CYP4X1: variants seen among roughly 807,000 people sequenced by gnomAD.
CYP4X1 encodes the protein cytochrome P450 4X1.
In CYP4X1, 44 loss-of-function variants were observed where a neutral mutation model predicts 57.9. The ratio of observed to expected loss-of-function variants is 0.76; its 90% CI spans 0.60 to 0.98. CYP4X1 has a LOEUF of 0.98. Ranked by LOEUF, CYP4X1 falls within the 50% of genes least tolerant of loss-of-function variation. CYP4X1 has a pLI of 0.00. For missense variants in CYP4X1, 532 were observed against 623.9 expected (o/e 0.85, Z 1.57); for synonymous variants, 227 against 228.6 (o/e 0.99, Z 0.06).
chr1:47,046,635 G>T, intron 9 of CYP4X1, 35 bp downstream of exon 9: 2 of 1,613,810 alleles, frequency 1.2e-6, no homozygotes, highest in Non-Finnish European at 8.5e-7. Flanking sequence ...GTTCTTAGAG[G>T]CTATGGGATC....
chr1:47,053,644 T>C (rs1450168702), downstream of CYP4X1, among the ~76,000 whole-genome samples: 1 of 152,230 alleles, frequency 6.6e-6, no homozygotes, highest in East Asian at 1.9e-4. Flanking sequence ...ATTGTGGTTT[T>C]GATTTGCATT....
chr1:46,974,649 T>A, the CYP4X1 span, among the ~76,000 whole-genome samples: 2 of 152,218 alleles, frequency 1.3e-5, no homozygotes, highest in East Asian at 3.8e-4. Flanking sequence ...GATAGTTAAA[T>A]CTTCTTGTTG....
chr1:47,052,483 A>G, downstream of CYP4X1, among the ~76,000 whole-genome samples: 1 of 152,158 alleles, frequency 6.6e-6, no homozygotes, highest in African/African-American at 2.4e-5. Context: ...AGAAACTTTC[A>G]TAGGTAGGAA....
chr1:47,023,516 C>A (rs781234663), upstream of CYP4X1: 16 of 1,138,812 alleles, frequency 1.4e-5, no homozygotes, highest in Admixed American at 1.4e-4. Context: ...AATATAAATT[C>A]AGATCCCGTG....
downstream of CYP4X1, among the ~76,000 whole-genome samples, chr1:47,051,593 A>G (rs1305473243): frequency 5.3e-5 from 8 of 152,158 alleles, no homozygotes; most frequent in Non-Finnish European, 1.2e-4. Flanking sequence ...TCACTCTTCC[A>G]TCATCACTTA....
chr1:46,978,595 G>A, the CYP4X1 span, among the ~76,000 whole-genome samples: 1 of 151,808 alleles, frequency 6.6e-6, no homozygotes, highest in Non-Finnish European at 1.5e-5. Context: ...GGATATCCAG[G>A]ACTTAAACTC....
At chr1:46,965,657 G>T in the CYP4X1 span, among the ~76,000 whole-genome samples, 2 of 152,342 alleles carry the variant, frequency 1.3e-5, no homozygotes, top group East Asian at 3.9e-4. Flanking sequence ...ACCCCTGTTG[G>T]GAGGTCTCAC....
chr1:47,040,768 G>A (rs1644237754), intron 8 of CYP4X1, among the ~76,000 whole-genome samples: 2 of 152,014 alleles, frequency 1.3e-5, no homozygotes, highest in Non-Finnish European at 2.9e-5. Context: ...CAATGGACAT[G>A]TTCATTAACT....
chr1:47,017,365 C>T, the CYP4X1 span, among the ~76,000 whole-genome samples: 8 of 151,420 alleles, frequency 5.3e-5, no homozygotes, highest in African/African-American at 1.9e-4. Context: ...AAAACCAAGG[C>T]TTTAATTGTT....
the CYP4X1 span, among the ~76,000 whole-genome samples, chr1:46,995,904 T>G: frequency 6.6e-6 from 1 of 152,218 alleles, no homozygotes; most frequent in Non-Finnish European, 1.5e-5. Context: ...ACACTGACAC[T>G]TTTCATGCTG....
chr1:46,993,236 T>C, the CYP4X1 span, among the ~76,000 whole-genome samples: 1 of 152,024 alleles, frequency 6.6e-6, no homozygotes, highest in Non-Finnish European at 1.5e-5. Context: ...TCCAGCTTCA[T>C]CCATGTCCCT....
the CYP4X1 span, among the ~76,000 whole-genome samples, chr1:47,011,305 G>A: frequency 1.3e-5 from 2 of 152,158 alleles, no homozygotes; most frequent in African/African-American, 4.8e-5. Context: ...CAAGAAATGG[G>A]GAAAGGATTC....
downstream of CYP4X1, among the ~76,000 whole-genome samples, chr1:47,052,615 G>C (rs1257403153): frequency 1.3e-5 from 2 of 151,932 alleles, no homozygotes; most frequent in African/African-American, 2.4e-5. Flanking sequence ...ATATTTATTG[G>C]GTACCTTTAT....
At chr1:46,983,960 C>T in the CYP4X1 span, among the ~76,000 whole-genome samples, 1 of 152,184 alleles carries the variant, frequency 6.6e-6, no homozygotes, top group South Asian at 2.1e-4. Context: ...ATCCTGAGGG[C>T]ATGCAAGAGA....
the CYP4X1 span, among the ~76,000 whole-genome samples, chr1:47,002,774 T>C: frequency 6.6e-6 from 1 of 152,256 alleles, no homozygotes. Context: ...ACACGGTTTA[T>C]TGTCCTCATT....
intron 4 of CYP4X1, among the ~76,000 whole-genome samples, chr1:47,034,775 C>T (rs1470713153): frequency 6.6e-6 from 1 of 151,962 alleles, no homozygotes; most frequent in Non-Finnish European, 1.5e-5. Context: ...ACTGGAGTTG[C>T]ATTAGAGTTT....
rs778935923 is a variant in CYP4X1, at chr1:47,036,067, T to G, written c.671T>G (p.Phe224Cys). The G allele has an allele frequency of 3.7e-6, 6 of 1,613,640 alleles. No homozygotes were observed. The African/African-American group carries it at 5.3e-5, about 14-fold the overall frequency. Residue 224 changes from phenylalanine to cysteine, a missense_variant, in exon 6 of 12, where the codon TTT becomes TGT. Coordinates refer to ENST00000371901, the MANE Select transcript of CYP4X1 (RefSeq NM_178033.2). ...KAIFELSKII[F>C]HRLYSLLYHS... ...ATATTTGAACTCAGCAAAATCATAT[T>G]TCACCGCTTGTACAGTTTGTTGTAT...
At chr1:46,974,322 T>C in the CYP4X1 span, among the ~76,000 whole-genome samples, 2 of 152,170 alleles carry the variant, frequency 1.3e-5, no homozygotes, top group Non-Finnish European at 2.9e-5. Context: ...TTCTTTAATT[T>C]GTTGAGAATT....
At chr1:46,977,583 C>G in the CYP4X1 span, among the ~76,000 whole-genome samples, 1 of 151,994 alleles carries the variant, frequency 6.6e-6, no homozygotes, top group African/African-American at 2.4e-5. Context: ...CTTCCCCAAC[C>G]TAGCAAGGTA....
Sources: gnomAD v4.1 joint callset for allele counts (sites outside exome capture counted in the v4.1 genomes callset) on GRCh38, gnomAD v4.1.1 for gene constraint, MANE v1.5 for transcripts, NCBI Gene and HGNC (gene_info 2026-07-23, HGNC 2026-07-21) for gene names.